The following DNAH9 variants were observed in gnomAD, a reference collection of about 807,000 sequenced individuals.
DNAH9 encodes the protein DNAH9 variant protein.
In DNAH9, 345 loss-of-function variants were observed where a neutral mutation model predicts 471.6. The ratio of observed to expected loss-of-function variants is 0.73; its 90% CI spans 0.67 to 0.80. DNAH9 has a LOEUF of 0.80. Among genes scored for constraint, DNAH9 ranks in the 30% least tolerant of loss-of-function variants. The pLI is 0.00. For missense variants in DNAH9, 5,407 were observed against 5,609.2 expected, an observed-to-expected ratio of 0.96 and a Z score of 1.15; for synonymous variants, 2,093 against 2,123.6, an observed-to-expected ratio of 0.99 and a Z score of 0.40.
intron 7 of DNAH9, among the ~76,000 whole-genome samples, chr17:11,632,257 C>T (rs149444731): frequency 5.3e-5 from 8 of 152,208 alleles, no homozygotes; most frequent in South Asian, 4.2e-4. Flanking sequence ...GTTGATGCTG[C>T]GGTGGTTTTC....
At chr17:11,880,001 C>G (rs143235400) in intron 53 of DNAH9, 77 bp from the exon 54 acceptor site, 1 of 1,563,150 alleles carries the variant, frequency 6.4e-7, no homozygotes, top group Admixed American at 1.7e-5. Context: ...TTAGAGGTCA[C>G]GCTTGTCTCA....
chr17:11,687,954 T>C (rs2074267301), intron 19 of DNAH9, among the ~76,000 whole-genome samples: 1 of 151,372 alleles, frequency 6.6e-6, no homozygotes, highest in African/African-American at 2.4e-5. Flanking sequence ...GCCAACATAG[T>C]GAAACCCTGT....
intron 14 of DNAH9, among the ~76,000 whole-genome samples, chr17:11,663,809 A>C (rs1467566311): frequency 1.3e-5 from 2 of 152,230 alleles, no homozygotes; most frequent in African/African-American, 4.8e-5. Flanking sequence ...ACACATCTTA[A>C]TACCCGAGAG....
At chr17:11,673,064 C>A (rs2073996260) in intron 17 of DNAH9, among the ~76,000 whole-genome samples, 1 of 152,196 alleles carries the variant, frequency 6.6e-6, no homozygotes, top group Non-Finnish European at 1.5e-5. Flanking sequence ...TGCTCCTGAG[C>A]AATTCATCCC....
chr17:11,727,879 T>A lies in DNAH9; in HGVS notation c.5771T>A (p.Phe1924Tyr). Residue 1924 changes from phenylalanine to tyrosine, a missense_variant, in exon 28 of 69, where the codon TTT becomes TAT. By Grantham distance (22) the Phe-to-Tyr change is conservative. Transcript: ENST00000262442. The part of the protein sequence containing the change: ...QTGAWGCFDE[F>Y]NRISVEVLSV... ...GGTGCCTGGGGCTGCTTTGATGAGT[T>A]TAATCGAATCTCCGTGGAGGTCTTG... 1 of 1,614,138 alleles carries A rather than the reference T, an allele frequency of 6.2e-7. No individual in the cohort carries two copies. The highest frequency in any genetic ancestry group is 8.5e-7 in the Non-Finnish European group (1 of 1,179,992).
At chr17:11,704,541 C>A in intron 25 of DNAH9, 99 bp downstream of exon 25, 1 of 1,145,434 alleles carries the variant, frequency 8.7e-7, no homozygotes, top group Non-Finnish European at 1.2e-6. Flanking sequence ...CTGTACAGCA[C>A]TGACCAGACA....
chr17:11,653,419 C>T (rs1453929029), intron 14 of DNAH9, among the ~76,000 whole-genome samples: 4 of 152,170 alleles, frequency 2.6e-5, no homozygotes, highest in Non-Finnish European at 5.9e-5. Context: ...GAAAGACTAC[C>T]GTGGTATCCC....
chr17:11,627,770 T>C (rs1167342829), intron 6 of DNAH9, among the ~76,000 whole-genome samples: 8 of 152,068 alleles, frequency 5.3e-5, no homozygotes, highest in Non-Finnish European at 1.0e-4. Context: ...TGCCCAAACA[T>C]ACATAGCTGA....
rs948092417 is a variant in DNAH9 at position 11,796,036 on chromosome 17, A to C, written c.8224-1561A>C. On this transcript the variant is annotated intron_variant, in intron 42 of 68. Transcript: ENST00000262442. ...GTGTGATTTGGCATCACTATTAAGG[A>C]ATCTTTGATTCACTGAGTTGGTTGA... Among the ~76,000 whole-genome samples, 3 of 152,344 alleles carry C rather than the reference A, an allele frequency of 2.0e-5. No individual in the cohort carries two copies. In the East Asian group the frequency reaches 5.8e-4, roughly 29 times the overall value.
Position 11,652,949 on chromosome 17 carries a change from A to C in DNAH9, c.2542A>C (p.Lys848Gln), listed in dbSNP as rs1330842707. The C allele has an allele frequency of 6.2e-7, 1 of 1,614,120 alleles. No homozygotes were observed. Among genetic ancestry groups the C allele is most frequent in the Admixed American group, 1.7e-5 (1 of 60,022 alleles). ...GGATGATCGGCATGATCGAATGGAAAAATATTACAATCTCATCAAGGAATC... is the reference window on the plus strand; with the variant it reads ...GGATGATCGGCATGATCGAATGGAACAATATTACAATCTCATCAAGGAATC... The part of the protein sequence containing the change: ...SLDDRHDRME[K>Q]YYNLIKESGL... Residue 848 changes from lysine (K) to glutamine (Q), a missense_variant, in exon 14 of 69, where the codon AAA becomes CAA. This residue lies in a region of DNAH9 where 4,636 missense variants were observed against 4,900.3 expected (regional missense o/e 0.95). Coordinates refer to ENST00000262442, the MANE Select transcript of DNAH9 (RefSeq NM_001372.4).
chr17:11,598,790 G>C lies in DNAH9; in HGVS notation c.292G>C (p.Ala98Pro). Residue 98 changes from alanine to proline, a missense_variant, in exon 1 of 69, where the codon GCT becomes CCT. Transcript: ENST00000262442. ...EVGPESGLAG[A>P]KALFFLRTGP... Reference sequence around the variant, plus strand: ...GGGACCTGAGTCGGGCCTGGCTGGCGCTAAGGCGCTTTTTTTCCTTCGCAC... The same window carrying C: ...GGGACCTGAGTCGGGCCTGGCTGGCCCTAAGGCGCTTTTTTTCCTTCGCAC... The C allele has an allele frequency of 6.8e-7, 1 of 1,475,152 alleles. No individual in the cohort carries two copies. Among genetic ancestry groups the C allele is most frequent in the Non-Finnish European group, 9.0e-7 (1 of 1,116,626 alleles). The allele number at this position is 1,475,152 out of a possible 1,614,324, so 91.4% of individuals were successfully genotyped here.
chr17:11,736,187 C>T (rs188253281), intron 28 of DNAH9, among the ~76,000 whole-genome samples: 31 of 152,256 alleles, frequency 2.0e-4, no homozygotes, highest in South Asian at 4.1e-4. Flanking sequence ...CTGAGACTAC[C>T]TATCTTAGAC....
chr17:11,622,913 T>C (rs2072897448), intron 6 of DNAH9, among the ~76,000 whole-genome samples: 1 of 152,042 alleles, frequency 6.6e-6, no homozygotes, highest in African/African-American at 2.4e-5. Context: ...TCCTTGGCTC[T>C]GGTTAGCTGC....
At chr17:11,771,325 C>A (rs189717589) in intron 38 of DNAH9, among the ~76,000 whole-genome samples, 2 of 152,282 alleles carry the variant, frequency 1.3e-5, no homozygotes, top group African/African-American at 4.8e-5. Flanking sequence ...GACAGGGTTT[C>A]ACCATGTTGG....
chr17:11,725,151 G>GCTGCTCACCTC (rs145782502), intron 27 of DNAH9, among the ~76,000 whole-genome samples: 15,690 of 152,180 alleles, frequency 0.1, 967 homozygotes, highest in African/African-American at 0.17. Context: ...TTACTCACCT[G>GCTGCTCACCTC]CTGCTCACCT....
At chr17:11,752,699 A>G (rs1433503900) in intron 32 of DNAH9, 134 bp from the exon 33 acceptor site, 2 of 532,796 alleles carry the variant, frequency 3.8e-6, no homozygotes, top group East Asian at 3.6e-5. Context: ...TAAAAATAAA[A>G]CCAGGTCTGA....
At chr17:11,834,347 A>AG (rs1363335391) in intron 48 of DNAH9, among the ~76,000 whole-genome samples, 140 of 148,970 alleles carry the variant, frequency 9.4e-4, no homozygotes, top group African/African-American at 2.9e-3. Context: ...AAAAAAAAAA[A>AG]AAGAAGAAGA....
intron 63 of DNAH9, among the ~76,000 whole-genome samples, chr17:11,930,765 C>CAAAAAAAAAAAAAAAAA (rs11371438): frequency 1.6e-5 from 2 of 125,216 alleles, no homozygotes; most frequent in African/African-American, 6.3e-5. Context: ...ACTCCATCTC[C>CAAAAAAAAAAAAAAAAA]AAAAAAAAAA....
Position 11,717,606 on chromosome 17 carries a change from C to A in DNAH9, c.5553-1728C>A, listed in dbSNP as rs903801921. Reference sequence around the variant, plus strand: ...TTTGCTAGATATTAAAAAGTTAGAACAGTGGCACAATTGTATCAGCTTTAT... The same window carrying A: ...TTTGCTAGATATTAAAAAGTTAGAAAAGTGGCACAATTGTATCAGCTTTAT... On this transcript the variant is annotated intron_variant, in intron 26 of 68. Coordinates refer to ENST00000262442, the MANE Select transcript of DNAH9 (RefSeq NM_001372.4). Among the ~76,000 whole-genome samples, 32 of 152,224 alleles carry A rather than the reference C, an allele frequency of 2.1e-4. 1 individual carries two copies. The highest frequency in any genetic ancestry group is 3.4e-3 in the Middle Eastern group (1 of 294).
Sources: gnomAD v4.1 joint callset for allele counts (sites outside exome capture counted in the v4.1 genomes callset) on GRCh38, gnomAD v4.1.1 for gene constraint, gnomAD v4.1.1 regional missense constraint, MANE v1.5 for transcripts, NCBI Gene and HGNC (gene_info 2026-07-23, HGNC 2026-07-21) for gene names.